Variants in RBM6 observed in about 807,000 individuals in gnomAD.
RBM6 encodes the protein RNA binding motif protein 6.
A neutral mutation model predicts 140.4 loss-of-function variants in RBM6; 23 were observed. The observed-to-expected ratio is 0.16, with a 90% CI of 0.12 to 0.23. The LOEUF (loss-of-function observed/expected upper bound fraction) is 0.23. Among genes scored for constraint, RBM6 ranks in the 10% least tolerant of loss-of-function variants. The pLI is 1.00. For synonymous variants in RBM6, 439 were observed against 475.6 expected (o/e 0.92, Z 1.00); for missense variants, 1,139 against 1,386.7 (o/e 0.82, Z 2.84).
chr3:49,972,678 C>T (rs938124954), intron 4 of RBM6, among the ~76,000 whole-genome samples: 1 of 152,146 alleles, frequency 6.6e-6, no homozygotes, highest in African/African-American at 2.4e-5. Flanking sequence ...TTAAGCATTA[C>T]TGTATGTAAT....
In RBM6 at chr3:50,023,900, A is replaced by C. The variant is rs1165089014; in HGVS notation, c.1558-24345A>C. On this transcript the variant is annotated intron_variant, in intron 6 of 20. Transcript: ENST00000266022. Reference sequence around the variant, plus strand: ...TGACTTCAGGTGATCCACCCATCTCAGCCTCCCAAAGTGCTGGGATTACAG... The same window carrying C: ...TGACTTCAGGTGATCCACCCATCTCCGCCTCCCAAAGTGCTGGGATTACAG... Among the ~76,000 whole-genome samples, 4 of 152,054 alleles carry C rather than the reference A, an allele frequency of 2.6e-5. No individual in the cohort carries two copies. In the East Asian group the frequency reaches 7.7e-4, roughly 29 times the overall value.
chr3:50,061,470 G>A lies in RBM6; in HGVS notation c.2362G>A (p.Asp788Asn). Residue 788 changes from aspartate to asparagine, a missense_variant, in exon 14 of 21, where the codon GAC becomes AAC. Physicochemically the swap from Asp to Asn is conservative, Grantham distance 23. Coordinates refer to ENST00000266022, the MANE Select transcript of RBM6 (RefSeq NM_005777.3). ...TNRQGQQSSS[D>N]CYIYDSATGY... ...GATCTTGTTACCTTTAGCATCATCT[G>A]ACTGCTACATATATGATTCTGCTAC... 6.2e-7 allele frequency: 1 copy of A among 1,602,728 alleles called. No individual in the cohort carries two copies. Among genetic ancestry groups the A allele is most frequent in the South Asian group, 1.1e-5 (1 of 88,404 alleles).
At chr3:49,953,759 A>G (rs1349419877) in intron 1 of RBM6, among the ~76,000 whole-genome samples, 2 of 151,668 alleles carry the variant, frequency 1.3e-5, no homozygotes, top group South Asian at 2.1e-4. Context: ...ACCTCAGATG[A>G]TCTGCCCGCA....
At chr3:49,964,465 T>TGATA (rs2084418643) in intron 2 of RBM6, among the ~76,000 whole-genome samples, 1 of 152,228 alleles carries the variant, frequency 6.6e-6, no homozygotes, top group African/African-American at 2.4e-5. Flanking sequence ...AAACTACAGC[T>TGATA]GATAGCCTGT....
chr3:50,027,609 G>A (rs1255879439), intron 6 of RBM6, among the ~76,000 whole-genome samples: 4 of 152,036 alleles, frequency 2.6e-5, no homozygotes, highest in African/African-American at 9.7e-5. Context: ...GGTCTTTTGT[G>A]ACTGGCTTCT....
chr3:50,031,333 A>C (rs1266806526), intron 6 of RBM6, among the ~76,000 whole-genome samples: 1 of 152,236 alleles, frequency 6.6e-6, no homozygotes, highest in African/African-American at 2.4e-5. Context: ...GAACCAATCC[A>C]AATGTCCATC....
intron 1 of RBM6, among the ~76,000 whole-genome samples, chr3:49,960,001 G>A (rs2084211276): frequency 6.6e-6 from 1 of 152,194 alleles, no homozygotes; most frequent in Admixed American, 6.6e-5. Context: ...GCATCTATCT[G>A]TAATCTCTTG....
chr3:49,968,862 C>A (rs972425316), intron 3 of RBM6, 114 bp downstream of exon 3: 28 of 1,279,288 alleles, frequency 2.2e-5, no homozygotes, highest in Non-Finnish European at 2.8e-5. Context: ...CTCATGCAAG[C>A]TCCGCCTCCT....
intron 1 of RBM6, among the ~76,000 whole-genome samples, chr3:49,960,489 T>C (rs1302248871): frequency 1.3e-5 from 2 of 152,214 alleles, no homozygotes; most frequent in Non-Finnish European, 2.9e-5. Context: ...CTTTGTACTC[T>C]CTTGATAGTG....
At position 49,968,573 on chromosome 3, in the gene RBM6, G is replaced by A. The variant is rs2084616535; in HGVS notation, c.1148G>A (p.Gly383Asp). Residue 383 changes from glycine (G) to aspartate (D), a missense_variant, in exon 3 of 21, where the codon GGT (glycine) becomes GAT (aspartate). Gly to Asp is a moderately conservative substitution (Grantham distance 94). Around this residue, in one of 9 missense-constraint regions of RBM6, gnomAD observed 566 missense variants for 612.7 expected, o/e 0.92. Transcript: ENST00000266022. ...SGREEQSSDAGLFKEEGGLDF... is the reference protein window; with the variant it reads ...SGREEQSSDADLFKEEGGLDF... Reference sequence around the variant, plus strand: ...CGTGAAGAGCAGAGTTCAGATGCTGGTCTGTTTAAAGAAGAAGGCGGTCTG... The same window carrying A: ...CGTGAAGAGCAGAGTTCAGATGCTGATCTGTTTAAAGAAGAAGGCGGTCTG... The A allele has an allele frequency of 3.7e-6, 6 of 1,614,132 alleles. No individual in the cohort carries two copies. The African/African-American group carries it at 6.7e-5, about 18-fold the overall frequency.
At chr3:49,985,314 T>C (rs538021614) in intron 5 of RBM6, among the ~76,000 whole-genome samples, 5 of 152,350 alleles carry the variant, frequency 3.3e-5, no homozygotes, top group African/African-American at 4.8e-5. Flanking sequence ...CTATAAAAAC[T>C]GTTTACAGGA....
At chr3:49,974,726 G>A (rs1423366245) in intron 4 of RBM6, among the ~76,000 whole-genome samples, 1 of 119,642 alleles carries the variant, frequency 8.4e-6, no homozygotes, top group Non-Finnish European at 1.6e-5. Flanking sequence ...TCGCTCTGTT[G>A]CCCAGGCTGG....
At chr3:49,956,032 T>C (rs1435860850) in intron 1 of RBM6, among the ~76,000 whole-genome samples, 1 of 151,792 alleles carries the variant, frequency 6.6e-6, no homozygotes, top group Non-Finnish European at 1.5e-5. Context: ...AAAAAAATTT[T>C]TTTTTTTTGA....
At chr3:50,002,119 C>T (rs550909007) in intron 6 of RBM6, among the ~76,000 whole-genome samples, 46 of 152,172 alleles carry the variant, frequency 3.0e-4, no homozygotes, top group Non-Finnish European at 6.5e-4. Flanking sequence ...GTGTGTGAGA[C>T]GGAGTCCAGC....
rs1015066975 is a variant in RBM6 at position 50,060,927 on chromosome 3, C to T, written c.2229-29C>T. Reference sequence around the variant, plus strand: ...TCGTCAAATGCCACTTGGTAGCAGCCTTAAGAATTGTTGTGTTATCTGTTG... The same window carrying T: ...TCGTCAAATGCCACTTGGTAGCAGCTTTAAGAATTGTTGTGTTATCTGTTG... On this transcript the variant is annotated intron_variant, in intron 11 of 20. Coordinates refer to ENST00000266022, the MANE Select transcript of RBM6 (RefSeq NM_005777.3). 17 of 1,535,258 alleles carry T rather than the reference C, an allele frequency of 1.1e-5. No individual in the cohort carries two copies. The African/African-American group carries it at 2.2e-4, about 20-fold the overall frequency.
rs919626602 is a variant in RBM6 at position 50,057,764 on chromosome 3, A to G, written c.1730A>G (p.Gln577Arg). 2 of 1,612,924 alleles carry G rather than the reference A, an allele frequency of 1.2e-6. No homozygotes were observed. Among genetic ancestry groups the G allele is most frequent in the African/African-American group, 2.7e-5 (2 of 74,508 alleles). ...EAKQELITYP[Q>R]PQKTSIPAPL... ...AAGCAAGAATTAATAACCTACCCTC[A>G]GCCTCAGAAAACATCCATACCAGCA... is the stretch of plus-strand genomic sequence containing the variant. Residue 577 changes from glutamine (Q) to arginine (R), a missense_variant, in exon 9 of 21, where the codon CAG becomes CGG. Around this residue, in one of 9 missense-constraint regions of RBM6, gnomAD observed 109 missense variants for 101.9 expected, o/e 1.07. Coordinates refer to ENST00000266022, the MANE Select transcript of RBM6 (RefSeq NM_005777.3).
intron 9 of RBM6, 123 bp from the exon 10 acceptor site, chr3:50,058,279 T>G: frequency 8.5e-7 from 1 of 1,175,810 alleles, no homozygotes; most frequent in Non-Finnish European, 1.2e-6. Flanking sequence ...GTTTAGCATT[T>G]TTTTACAGAA....
At chr3:50,071,182 C>T (rs1354630278) in intron 19 of RBM6, among the ~76,000 whole-genome samples, 2 of 152,114 alleles carry the variant, frequency 1.3e-5, no homozygotes, top group East Asian at 3.8e-4. Flanking sequence ...ATTTCATATA[C>T]CAGGGATATA....
At chr3:50,039,482 A>ACCCCCCCCCCCC (rs10546220) in intron 6 of RBM6, among the ~76,000 whole-genome samples, 22 of 122,142 alleles carry the variant, frequency 1.8e-4, no homozygotes, top group Non-Finnish European at 3.0e-4. Flanking sequence ...CAGGTGATCC[A>ACCCCCCCCCCCC]CCCCCCCCCC....
Sources: allele counts gnomAD v4.1 joint callset (sites outside exome capture counted in the v4.1 genomes callset), GRCh38; gene constraint gnomAD v4.1.1; regional missense constraint gnomAD v4.1.1; transcripts MANE v1.5; gene names NCBI Gene and HGNC (gene_info 2026-07-23, HGNC 2026-07-21).